Variants in AFG1L observed in about 807,000 individuals in gnomAD.
AFG1L encodes AFG1 like ATPase.
In AFG1L, 53 loss-of-function variants were observed where a neutral mutation model predicts 62.2. The ratio of observed to expected loss-of-function variants is 0.85; its 90% CI spans 0.68 to 1.07. The LOEUF is 1.07. Among genes scored for constraint, AFG1L ranks in the 50% least tolerant of loss-of-function variants. The pLI is 0.00. For missense variants in AFG1L, 555 were observed against 590.5 expected, an observed-to-expected ratio of 0.94 and a Z score of 0.62; for synonymous variants, 228 against 210.3, an observed-to-expected ratio of 1.08 and a Z score of -0.73.
At chr6:108,345,104 G>C (rs560835126) in intron 2 of AFG1L, among the ~76,000 whole-genome samples, 2 of 152,220 alleles carry the variant, frequency 1.3e-5, no homozygotes, top group East Asian at 3.9e-4. Flanking sequence ...TTTCACACTT[G>C]ATGAATAGAT....
chr6:108,310,684 C>T (rs916551490), intron 1 of AFG1L, among the ~76,000 whole-genome samples: 4 of 151,242 alleles, frequency 2.6e-5, no homozygotes, highest in Non-Finnish European at 5.9e-5. Context: ...AAGTGATTCT[C>T]GTGCCTCAGC....
At chr6:108,474,115 A>G (rs1331900149) in intron 8 of AFG1L, among the ~76,000 whole-genome samples, 4 of 152,124 alleles carry the variant, frequency 2.6e-5, no homozygotes, top group African/African-American at 7.2e-5. Context: ...CTTCCACTTT[A>G]GAAGCGAGAA....
intron 10 of AFG1L, among the ~76,000 whole-genome samples, chr6:108,500,146 G>A (rs1442538610): frequency 6.9e-6 from 1 of 145,906 alleles, no homozygotes; most frequent in Non-Finnish European, 1.5e-5. Context: ...CTTTTTTATG[G>A]CTGTGTAGTA....
chr6:108,307,879 C>T (rs1777266104), intron 1 of AFG1L, among the ~76,000 whole-genome samples: 1 of 152,116 alleles, frequency 6.6e-6, no homozygotes, highest in African/African-American at 2.4e-5. Flanking sequence ...TAAGTGTGTA[C>T]TGATATCTCA....
chr6:108,359,214 T>G (rs1305264879), intron 5 of AFG1L: 2 of 152,174 alleles, frequency 1.3e-5, no homozygotes, highest in Non-Finnish European at 2.9e-5. Context: ...GATAGTGAAG[T>G]CCTACCAAAA....
chr6:108,518,140 A>T (rs1774976207), intron 11 of AFG1L, among the ~76,000 whole-genome samples: 1 of 152,252 alleles, frequency 6.6e-6, no homozygotes, highest in African/African-American at 2.4e-5. Flanking sequence ...TGACCCAGGC[A>T]TCCCATTACT....
At chr6:108,412,800 A>C (rs1278340411) in intron 7 of AFG1L, among the ~76,000 whole-genome samples, 1 of 152,228 alleles carries the variant, frequency 6.6e-6, no homozygotes, top group East Asian at 1.9e-4. Flanking sequence ...GGTACCAGCC[A>C]CTGCAAAATC....
chr6:108,369,983 T>C (rs1484643138), intron 6 of AFG1L, among the ~76,000 whole-genome samples: 2 of 151,652 alleles, frequency 1.3e-5, no homozygotes, highest in Non-Finnish European at 2.9e-5. Context: ...TATCTATCTA[T>C]CTATCTTTTA....
chr6:108,475,689 G>A (rs148875797), intron 8 of AFG1L, among the ~76,000 whole-genome samples: 1 of 152,236 alleles, frequency 6.6e-6, no homozygotes, highest in Non-Finnish European at 1.5e-5. Flanking sequence ...TGTCCTTTGA[G>A]GTGGAGTGGT....
chr6:108,515,815 G>GATAT (rs1368579936), intron 11 of AFG1L, among the ~76,000 whole-genome samples: 1 of 151,888 alleles, frequency 6.6e-6, no homozygotes, highest in African/African-American at 2.4e-5. Context: ...ATGATAAAGG[G>GATAT]GATATCACCA....
chr6:108,525,830 C>T lies in AFG1L; in HGVS notation c.*3405C>T, dbSNP rs1469178613. The T allele has an allele frequency of 6.6e-6, 1 of 152,224 alleles. No homozygotes were observed. Among genetic ancestry groups the T allele is most frequent in the Non-Finnish European group, 1.5e-5 (1 of 68,038 alleles). The allele number at this position is 152,224 out of a possible 1,614,324, so 9.4% of individuals were successfully genotyped here. A position where few individuals can be genotyped will look rare whatever the true frequency, so the allele number is the denominator to read the frequency against. ...TGCCTCTGTCCTGAAAACAGTATTG[C>T]TGGTCCAAGTAACTTGAACCTACAC... On this transcript the variant is annotated 3_prime_UTR_variant, in exon 13 of 13. Transcript: ENST00000368977.
chr6:108,511,314 G>C (rs1339449186), intron 11 of AFG1L, among the ~76,000 whole-genome samples: 1 of 152,076 alleles, frequency 6.6e-6, no homozygotes, highest in Non-Finnish European at 1.5e-5. Context: ...ATACCATCTT[G>C]TTGTTTGTTT....
At chr6:108,301,186 C>T (rs942227774) in intron 1 of AFG1L, among the ~76,000 whole-genome samples, 2 of 152,072 alleles carry the variant, frequency 1.3e-5, no homozygotes, top group Non-Finnish European at 2.9e-5. Context: ...CTTGGTTTTG[C>T]CTGGCTTCTT....
At chr6:108,490,904 A>G (rs189133837) in intron 10 of AFG1L, among the ~76,000 whole-genome samples, 1 of 152,358 alleles carries the variant, frequency 6.6e-6, no homozygotes, top group African/African-American at 2.4e-5. Context: ...TTGGTAACTA[A>G]CAAAATCAAA....
intron 3 of AFG1L, among the ~76,000 whole-genome samples, chr6:108,347,467 G>A (rs184961787): frequency 1.1e-4 from 17 of 152,096 alleles, no homozygotes; most frequent in East Asian, 9.6e-4. Flanking sequence ...TAATTTAGTC[G>A]TTATTATCTT....
intron 8 of AFG1L, among the ~76,000 whole-genome samples, chr6:108,450,651 A>G (rs1382370462): frequency 1.3e-5 from 2 of 151,972 alleles, no homozygotes; most frequent in Non-Finnish European, 2.9e-5. Flanking sequence ...TGCTTTTGGT[A>G]TTTTAGACAT....
intron 6 of AFG1L, among the ~76,000 whole-genome samples, chr6:108,371,938 T>C (rs565296033): frequency 6.6e-6 from 1 of 151,064 alleles, no homozygotes; most frequent in African/African-American, 2.4e-5. Flanking sequence ...TAATTTTTTT[T>C]GTAGAGTTAG....
intron 5 of AFG1L, among the ~76,000 whole-genome samples, chr6:108,365,847 A>T (rs1382724147): frequency 6.6e-6 from 1 of 151,648 alleles, no homozygotes; most frequent in Non-Finnish European, 1.5e-5. Flanking sequence ...TATTATTATT[A>T]TTTTTTCATC....
chr6:108,427,407 T>G (rs1050283778), intron 7 of AFG1L, among the ~76,000 whole-genome samples: 3 of 152,162 alleles, frequency 2.0e-5, no homozygotes, highest in African/African-American at 7.2e-5. Flanking sequence ...TATACTTAGG[T>G]TTATTCTAGT....
Sources: allele counts gnomAD v4.1 joint callset (sites outside exome capture counted in the v4.1 genomes callset), GRCh38; gene constraint gnomAD v4.1.1; transcripts MANE v1.5; gene names NCBI Gene and HGNC (gene_info 2026-07-23, HGNC 2026-07-21).